CHD6: variants seen among roughly 807,000 people sequenced by gnomAD.
CHD6 encodes the protein chromodomain helicase DNA binding protein 6.
Under a neutral mutation model 276.9 loss-of-function variants are expected in CHD6, and 50 were observed. The ratio of observed to expected loss-of-function variants is 0.18; its 90% CI spans 0.14 to 0.23. The LOEUF is 0.23. CHD6 is among the 10% of genes least tolerant of loss of function. The probability of loss-of-function intolerance (pLI) is 1.00; values close to 1 mark genes in which losing one functional copy is unlikely to be tolerated. For synonymous variants in CHD6, 1,173 were observed against 1,229.3 expected (o/e 0.95, Z 0.96); for missense variants, 2,564 against 3,365.8 (o/e 0.76, Z 5.89).
intron 7 of CHD6, chr20:41,497,872 A>G (rs1425516986): frequency 2.3e-6 from 1 of 440,438 alleles, no homozygotes; most frequent in African/African-American, 2.0e-5. Context: ...CCCTGGTTGC[A>G]TATGAGAATT....
chr20:41,513,042 A>G (rs746464900), intron 4 of CHD6, 47 bp from the exon 5 acceptor site: 10 of 1,607,268 alleles, frequency 6.2e-6, no homozygotes, highest in South Asian at 1.1e-5. Context: ...AGTGAAAGAC[A>G]ACAGCCTACA....
At chr20:41,439,522 A>C (rs2047831827) in intron 26 of CHD6, among the ~76,000 whole-genome samples, 2 of 152,210 alleles carry the variant, frequency 1.3e-5, no homozygotes, top group African/African-American at 4.8e-5. Context: ...ACAAGCTGAA[A>C]TGTCATGGCC....
At chr20:41,582,890 A>G (rs924813898) in intron 1 of CHD6, among the ~76,000 whole-genome samples, 2 of 152,186 alleles carry the variant, frequency 1.3e-5, no homozygotes, top group African/African-American at 4.8e-5. Flanking sequence ...CAGTCAAGGA[A>G]GTAATCGAAC....
intron 5 of CHD6, among the ~76,000 whole-genome samples, chr20:41,509,184 C>T (rs1199797221): frequency 2.0e-5 from 3 of 152,042 alleles, no homozygotes; most frequent in Admixed American, 2.0e-4. Flanking sequence ...ATAAGTGGTG[C>T]AACGATCCCA....
intron 1 of CHD6, among the ~76,000 whole-genome samples, chr20:41,599,259 G>T (rs1255695050): frequency 6.6e-6 from 1 of 152,194 alleles, no homozygotes; most frequent in Admixed American, 6.5e-5. Flanking sequence ...TCTGTGTCAT[G>T]ATTGGGGTCC....
rs1247597318 is a variant in CHD6 at position 41,618,370 on chromosome 20, A to C, written c.-54T>G. ...ATGGCTCCTGCAGCAGCCAAAATAC[A>C]AACAGCTATTATTTGGTGAAGTTTA... On this transcript the variant is annotated 5_prime_UTR_variant, in exon 1 of 37. Coordinates refer to ENST00000373233, the MANE Select transcript of CHD6 (RefSeq NM_032221.5). 6.6e-6 allele frequency: 1 copy of C among 152,074 alleles called. No homozygotes were observed. The highest frequency in any genetic ancestry group is 1.9e-4 in the East Asian group (1 of 5,136). The allele number at this position is 152,074 out of a possible 1,614,324, so 9.4% of individuals were successfully genotyped here. A position where few individuals can be genotyped will look rare whatever the true frequency, so the allele number is the denominator to read the frequency against.
chr20:41,591,906 T>G (rs958615919), intron 1 of CHD6, among the ~76,000 whole-genome samples: 1 of 152,144 alleles, frequency 6.6e-6, no homozygotes, highest in Admixed American at 6.5e-5. Flanking sequence ...AAGACCATCC[T>G]GGCTAAGACA....
At chr20:41,525,037 G>C (rs2044493515) in intron 3 of CHD6, among the ~76,000 whole-genome samples, 1 of 152,152 alleles carries the variant, frequency 6.6e-6, no homozygotes, top group African/African-American at 2.4e-5. Context: ...AAATCAACTA[G>C]GCTGGTAATA....
At chr20:41,446,802 C>G (rs2048083322) in intron 24 of CHD6, among the ~76,000 whole-genome samples, 1 of 152,162 alleles carries the variant, frequency 6.6e-6, no homozygotes, top group Non-Finnish European at 1.5e-5. Context: ...TGAAGAGCAG[C>G]AGTAAGAGAC....
At chr20:41,524,637 C>T (rs913442298) in intron 3 of CHD6, among the ~76,000 whole-genome samples, 1 of 152,170 alleles carries the variant, frequency 6.6e-6, no homozygotes. Flanking sequence ...TCTCTAACCC[C>T]AAATACGCTC....
intron 1 of CHD6, among the ~76,000 whole-genome samples, chr20:41,571,485 C>T (rs1023988601): frequency 4.0e-5 from 6 of 151,176 alleles, no homozygotes; most frequent in East Asian, 1.9e-4. Context: ...CTCCACCTCC[C>T]GGTTCAAGTG....
chr20:41,439,998 A>G lies in CHD6; in HGVS notation c.4007+2T>C. The stretch of plus-strand genomic sequence containing the variant: ...TGAGGGCTGGCCTACGTGGCTTCTC[A>G]CCTTTCAGGAATGTCTGAGGTCCCA... On this transcript the variant is annotated splice_donor_variant, in intron 26 of 36. Coordinates refer to ENST00000373233, the MANE Select transcript of CHD6 (RefSeq NM_032221.5). LOFTEE classifies it high-confidence loss of function. 1 of 1,613,818 alleles carries G rather than the reference A, an allele frequency of 6.2e-7. No homozygotes were observed. The highest frequency in any genetic ancestry group is 8.5e-7 in the Non-Finnish European group (1 of 1,179,850).
intron 3 of CHD6, among the ~76,000 whole-genome samples, chr20:41,530,837 T>A (rs1173991884): frequency 6.6e-6 from 1 of 152,226 alleles, no homozygotes; most frequent in Non-Finnish European, 1.5e-5. Context: ...CAGCCTCCTC[T>A]AATAGGGTGT....
At chr20:41,528,664 T>A (rs954218011) in intron 3 of CHD6, among the ~76,000 whole-genome samples, 7 of 152,212 alleles carry the variant, frequency 4.6e-5, no homozygotes, top group African/African-American at 9.6e-5. Flanking sequence ...CTAAAAAAAA[T>A]AATAATAATA....
chr20:41,571,540 G>A (rs1405801247), intron 1 of CHD6, among the ~76,000 whole-genome samples: 3 of 151,636 alleles, frequency 2.0e-5, no homozygotes, highest in African/African-American at 7.3e-5. Context: ...TACAGGTGCC[G>A]CCAACACACC....
intron 2 of CHD6, among the ~76,000 whole-genome samples, chr20:41,542,014 G>A (rs867299218): frequency 6.6e-6 from 1 of 152,180 alleles, no homozygotes; most frequent in East Asian, 1.9e-4. Context: ...TGCTGACAGG[G>A]AAGAATTAGG....
intron 17 of CHD6, among the ~76,000 whole-genome samples, chr20:41,466,484 T>C (rs1175481417): frequency 6.6e-6 from 1 of 152,218 alleles, no homozygotes; most frequent in Non-Finnish European, 1.5e-5. Context: ...TTAGCTATTA[T>C]AATTCGTTGC....
At chr20:41,594,894 C>T (rs1400477619) in intron 1 of CHD6, among the ~76,000 whole-genome samples, 1 of 152,246 alleles carries the variant, frequency 6.6e-6, no homozygotes, top group Non-Finnish European at 1.5e-5. Flanking sequence ...CCCTACCCTG[C>T]TCAGTGTGTT....
intron 29 of CHD6, among the ~76,000 whole-genome samples, 190 bp from the exon 30 acceptor site, chr20:41,423,890 A>G (rs976613286): frequency 6.6e-6 from 1 of 152,044 alleles, no homozygotes; most frequent in Non-Finnish European, 1.5e-5. Context: ...CTATTATCCA[A>G]CTCCCAAAGA....
Sources: allele counts gnomAD v4.1 joint callset (sites outside exome capture counted in the v4.1 genomes callset), GRCh38; gene constraint gnomAD v4.1.1; transcripts MANE v1.5; gene names NCBI Gene and HGNC (gene_info 2026-07-23, HGNC 2026-07-21).